ZCWPW2: variants seen among roughly 807,000 people sequenced by gnomAD.
ZCWPW2 encodes the protein zinc finger CW-type and PWWP domain containing 2.
ZCWPW2 carries 45 observed loss-of-function variants against 46.6 expected under a neutral mutation model. The observed-to-expected ratio is 0.96, with a 90% confidence interval of 0.76 to 1.24. ZCWPW2 has a LOEUF of 1.24. Among genes scored for constraint, ZCWPW2 ranks in the 50% most tolerant of loss-of-function variants. ZCWPW2 has a pLI of 0.00. For missense variants in ZCWPW2, 429 were observed against 403.9 expected, an observed-to-expected ratio of 1.06 and a Z score of -0.53; for synonymous variants, 152 against 137.1, an observed-to-expected ratio of 1.11 and a Z score of -0.76.
intron 1 of ZCWPW2, among the ~76,000 whole-genome samples, chr3:28,371,370 T>C (rs1705328849): frequency 6.6e-6 from 1 of 152,082 alleles, no homozygotes; most frequent in Middle Eastern, 3.2e-3. Flanking sequence ...CCAAGGAGCA[T>C]GGTAAAGGGG....
rs141432768 is a variant in ZCWPW2 at position 28,380,011 on chromosome 3, C to G, written c.-133-10487C>G. Among the ~76,000 whole-genome samples the G allele has an allele frequency of 1.5e-3, 235 of 151,978 alleles. 2 individuals carry two copies. The highest frequency in any genetic ancestry group is 0.015 in the East Asian group (77 of 5,174). ...AGTTTATGTATTTTTGAGATGGAGT[C>G]TAGCTCTGTCGCTCAGGCTGGAGTG... On this transcript the variant is annotated intron_variant, in intron 1 of 9. Coordinates refer to ENST00000383768, the MANE Select transcript of ZCWPW2 (RefSeq NM_001040432.4).
chr3:28,518,651 G>T (rs187196116), intron 8 of ZCWPW2, among the ~76,000 whole-genome samples: 1 of 152,062 alleles, frequency 6.6e-6, no homozygotes, highest in African/African-American at 2.4e-5. Context: ...ATGCCATTTC[G>T]CAATGATATT....
At chr3:28,358,267 T>TC (rs1364496349) in intron 1 of ZCWPW2, among the ~76,000 whole-genome samples, 1 of 152,140 alleles carries the variant, frequency 6.6e-6, no homozygotes, top group Non-Finnish European at 1.5e-5. Context: ...AATGACTCCT[T>TC]AACATTTTTT....
rs533260433 is a variant in ZCWPW2 at position 28,500,589 on chromosome 3, T to A, written c.657+8416T>A. On this transcript the variant is annotated intron_variant, in intron 6 of 9. Coordinates refer to ENST00000383768, the MANE Select transcript of ZCWPW2 (RefSeq NM_001040432.4). ...TCGATATGAGGAATTTCAGCTATTATGTTTTCTGATAAAAAGTATTTCTCT... is the reference window on the plus strand; with the variant it reads ...TCGATATGAGGAATTTCAGCTATTAAGTTTTCTGATAAAAAGTATTTCTCT... Among the ~76,000 whole-genome samples the A allele has an allele frequency of 5.9e-5, 9 of 152,280 alleles. No individual in the cohort carries two copies. The South Asian group carries it at 1.9e-3, about 32-fold the overall frequency.
At chr3:28,405,097 A>T (rs562404487) in intron 2 of ZCWPW2, among the ~76,000 whole-genome samples, 1 of 152,358 alleles carries the variant, frequency 6.6e-6, no homozygotes. Flanking sequence ...AAAAGAAAAT[A>T]TAAGTGAAAT....
chr3:28,414,161 G>A lies in ZCWPW2; in HGVS notation c.332+761G>A, dbSNP rs1010987117. ...TACTTATGGTGGCTATTTGTCTATC[G>A]TTTGTATTACCTTTTCTTGAACTGT... On this transcript the variant is annotated intron_variant, in intron 3 of 9. Coordinates refer to ENST00000383768, the MANE Select transcript of ZCWPW2 (RefSeq NM_001040432.4). 1.3e-4 allele frequency among the ~76,000 whole-genome samples: 19 copies of A among 151,146 alleles called. No homozygotes were observed. In the South Asian group the frequency reaches 1.3e-3, roughly 10 times the overall value.
intron 2 of ZCWPW2, among the ~76,000 whole-genome samples, chr3:28,403,370 A>G (rs535599179): frequency 1.3e-5 from 2 of 152,312 alleles, no homozygotes; most frequent in East Asian, 1.9e-4. Flanking sequence ...GGAAAACTAC[A>G]TAACACTGCT....
chr3:28,368,839 T>G (rs2125699932), intron 1 of ZCWPW2, among the ~76,000 whole-genome samples: 1 of 152,334 alleles, frequency 6.6e-6, no homozygotes, highest in African/African-American at 2.4e-5. Flanking sequence ...TCCATATTTC[T>G]TGGAGGCTTT....
At chr3:28,435,391 T>C (rs1044790929) in intron 4 of ZCWPW2, 122 bp downstream of exon 4, 42 of 813,400 alleles carry the variant, frequency 5.2e-5, no homozygotes, top group Non-Finnish European at 7.0e-5. Flanking sequence ...ATGCTGTTTA[T>C]TTAATTCAAA....
At chr3:28,510,522 A>G (rs1700399093) in intron 6 of ZCWPW2, among the ~76,000 whole-genome samples, 1 of 152,042 alleles carries the variant, frequency 6.6e-6, no homozygotes, top group Admixed American at 6.6e-5. Context: ...TAATTTACTT[A>G]TCTTCACTTC....
At chr3:28,363,654 T>C (rs1705019736) in intron 1 of ZCWPW2, among the ~76,000 whole-genome samples, 1 of 152,092 alleles carries the variant, frequency 6.6e-6, no homozygotes, top group East Asian at 1.9e-4. Flanking sequence ...GCTCTCACTC[T>C]CCATACCACT....
intron 4 of ZCWPW2, among the ~76,000 whole-genome samples, chr3:28,472,522 G>T (rs1575175323): frequency 1.3e-5 from 2 of 152,218 alleles, no homozygotes; most frequent in East Asian, 3.9e-4. Flanking sequence ...ATATCCATAT[G>T]CAGAAGAAAA....
intron 1 of ZCWPW2, among the ~76,000 whole-genome samples, chr3:28,385,192 C>G (rs1695229178): frequency 6.6e-6 from 1 of 152,092 alleles, no homozygotes; most frequent in Non-Finnish European, 1.5e-5. Flanking sequence ...CATATCAGAC[C>G]TGTTGAAACA....
At chr3:28,410,451 GTGT>G (rs1553633920) in intron 2 of ZCWPW2, among the ~76,000 whole-genome samples, 3 of 151,814 alleles carry the variant, frequency 2.0e-5, no homozygotes, top group Non-Finnish European at 4.4e-5. Context: ...ACATTCACAA[GTGT>G]TGTTAAGTAG....
intron 1 of ZCWPW2, among the ~76,000 whole-genome samples, chr3:28,356,361 CT>C (rs1704731102): frequency 6.6e-6 from 1 of 152,156 alleles, no homozygotes; most frequent in African/African-American, 2.4e-5. Context: ...ACAGCAGGTG[CT>C]GGAGAGGATG....
At chr3:28,523,493 G>T (rs1417966574) in intron 9 of ZCWPW2, among the ~76,000 whole-genome samples, 1 of 152,078 alleles carries the variant, frequency 6.6e-6, no homozygotes, top group African/African-American at 2.4e-5. Context: ...TTAGGGGAGG[G>T]TGGCCTCTTA....
chr3:28,355,161 G>A (rs1272898385), intron 1 of ZCWPW2, among the ~76,000 whole-genome samples: 1 of 152,178 alleles, frequency 6.6e-6, no homozygotes, highest in African/African-American at 2.4e-5. Context: ...AAAGTCTCAG[G>A]ACGCAAAATC....
intron 1 of ZCWPW2, among the ~76,000 whole-genome samples, chr3:28,370,794 G>A (rs1422010145): frequency 1.3e-5 from 2 of 152,130 alleles, no homozygotes; most frequent in African/African-American, 4.8e-5. Flanking sequence ...GTGCAATGGT[G>A]TAATCTCGGC....
At chr3:28,391,451 G>A (rs1695487539) in intron 2 of ZCWPW2, among the ~76,000 whole-genome samples, 1 of 151,974 alleles carries the variant, frequency 6.6e-6, no homozygotes, top group South Asian at 2.1e-4. Context: ...GAGGGCTCAG[G>A]AGTCCAATTA....
Sources: allele counts gnomAD v4.1 joint callset (sites outside exome capture counted in the v4.1 genomes callset), GRCh38; gene constraint gnomAD v4.1.1; transcripts MANE v1.5; gene names NCBI Gene and HGNC (gene_info 2026-07-23, HGNC 2026-07-21).